The following STAG3 variants were observed in gnomAD, a reference collection of about 807,000 sequenced individuals.
STAG3 encodes cohesin subunit SA-3.
STAG3 carries 101 observed loss-of-function variants against 160.7 expected under a neutral mutation model. The observed-to-expected ratio is 0.63, with a 90% CI of 0.54 to 0.74. The LOEUF (loss-of-function observed/expected upper bound fraction) is 0.74. Among genes scored for constraint, STAG3 ranks in the 30% least tolerant of loss-of-function variants. STAG3 has a pLI of 0.00. For synonymous variants in STAG3, 519 were observed against 585.0 expected (o/e 0.89, Z 1.63); for missense variants, 1,188 against 1,517.4 (o/e 0.78, Z 3.61).
In STAG3 at chr7:100,205,251, G is replaced by A. The variant is rs960866707; in HGVS notation, c.3105G>A (p.Leu1035=). The change falls in exon 29 of 34, where the codon CTG becomes CTA. Residue 1035 remains leucine (L), a synonymous_variant. Coordinates refer to ENST00000615138, the MANE Select transcript of STAG3 (RefSeq NM_001282717.2). ...GACTGTCCTATCTAGAAAAGTGCCTGCAGCATGTCTCCCAGGCACCTGGCC... is the reference window on the plus strand; with the variant it reads ...GACTGTCCTATCTAGAAAAGTGCCTACAGCATGTCTCCCAGGCACCTGGCC... ...QLLLSYLEKC[L]QHVSQAPGHP... The A allele has an allele frequency of 5.0e-6, 8 of 1,614,106 alleles. No individual in the cohort carries two copies. The highest frequency in any genetic ancestry group is 6.8e-6 in the Non-Finnish European group (8 of 1,179,986).
At position 100,204,768 on chromosome 7, in the gene STAG3, C is replaced by G; in HGVS notation, c.2944C>G (p.Leu982Val). Residue 982 changes from leucine to valine, a missense_variant, in exon 27 of 34, where the codon CTA becomes GTA. Leu to Val is a conservative substitution (Grantham distance 32). Transcript: ENST00000615138. ...QLQNRDLVVM[L>V]HKEGIQFSLS... ...GCAGAACCGTGACCTCGTGGTCATG[C>G]TACACAAGTAGGAAGTATTGGTTGC... The G allele has an allele frequency of 6.2e-7, 1 of 1,613,310 alleles. No homozygotes were observed. The highest frequency in any genetic ancestry group is 8.5e-7 in the Non-Finnish European group (1 of 1,179,772).
Position 100,204,994 on chromosome 7 carries a change from G to A in STAG3, c.2952-11G>A. On this transcript the variant is annotated splice_polypyrimidine_tract_variant and intron_variant, in intron 27 of 33. Transcript: ENST00000615138. ...GAGACTTTCTTCCTAAAATAATTCTGCCCAACCAAGGGAAGGCATCCAGTT... is the reference window on the plus strand; with the variant it reads ...GAGACTTTCTTCCTAAAATAATTCTACCCAACCAAGGGAAGGCATCCAGTT... 2.5e-6 allele frequency: 4 copies of A among 1,612,292 alleles called. No homozygotes were observed. In the South Asian group the frequency reaches 4.4e-5, roughly 18 times the overall value.
In STAG3 at chr7:100,195,344, G is replaced by T; in HGVS notation, c.903G>T (p.Met301Ile). The T allele has an allele frequency of 6.2e-7, 1 of 1,614,154 alleles. No individual in the cohort carries two copies. Among genetic ancestry groups the T allele is most frequent in the Middle Eastern group, 1.6e-4 (1 of 6,062 alleles). Residue 301 changes from methionine (M) to isoleucine (I), a missense_variant, in exon 9 of 34, where the codon ATG (methionine) becomes ATT (isoleucine). Around this residue, in one of 4 missense-constraint regions of STAG3, gnomAD observed 296 missense variants for 404.0 expected, o/e 0.73. Transcript: ENST00000615138. ...QEHQEEIEGMMNALFRGVFVH... is the reference protein window; with the variant it reads ...QEHQEEIEGMINALFRGVFVH... ...ATCAAGAGGAGATTGAGGGGATGAT[G>T]AATGCCCTCTTCAGGGGTGTCTTTG...
intron 21 of STAG3, 90 bp downstream of exon 21, chr7:100,201,441 C>T: frequency 8.6e-7 from 1 of 1,156,438 alleles, no homozygotes; most frequent in Non-Finnish European, 1.3e-6. Context: ...TGTCAAGTCT[C>T]AGTGCGTGGA....
chr7:100,207,129 CT>C lies in STAG3; in HGVS notation c.3238+1747del, dbSNP rs2117440979. On this transcript the variant is annotated intron_variant, in intron 29 of 33. Transcript: ENST00000615138. The surrounding 1 kb of genome is among the most constrained non-coding windows in gnomAD (Gnocchi z 4.0). ...GGATATGCCACATTCTACTTATCCA[CT>C]TGTCAGTTGATTGACATTTGGGCTC... Among the ~76,000 whole-genome samples the C allele has an allele frequency of 6.6e-6, 1 of 152,342 alleles. No homozygotes were observed. The highest frequency in any genetic ancestry group is 1.9e-4 in the East Asian group (1 of 5,186).
Position 100,197,866 on chromosome 7 carries a change from G to C in STAG3, c.1154G>C (p.Ser385Thr), listed in dbSNP as rs1360773914. 6 of 1,613,724 alleles carry C rather than the reference G, an allele frequency of 3.7e-6. No individual in the cohort carries two copies. The highest frequency in any genetic ancestry group is 5.1e-6 in the Non-Finnish European group (6 of 1,179,876). Reference sequence around the variant, plus strand: ...ACCACACGCCTGGAGCTCTTCACCAGCCGCTTCAAGGTAAAATGGGTGGTG... The same window carrying C: ...ACCACACGCCTGGAGCTCTTCACCACCCGCTTCAAGGTAAAATGGGTGGTG... ...DLTTRLELFT[S>T]RFKDRMVSMV... Residue 385 changes from serine to threonine, a missense_variant, in exon 11 of 34, where the codon AGC becomes ACC. Ser to Thr is a moderately conservative substitution (Grantham distance 58). Transcript: ENST00000615138.
At chr7:100,203,293 C>G (rs1801314418) in intron 25 of STAG3, among the ~76,000 whole-genome samples, 1 of 151,142 alleles carries the variant, frequency 6.6e-6, no homozygotes, top group African/African-American at 2.4e-5. Context: ...TCAAGCAGTT[C>G]TCCTGCCTCA....
intron 8 of STAG3, among the ~76,000 whole-genome samples, chr7:100,189,906 T>G (rs1800255821): frequency 1.3e-5 from 2 of 152,166 alleles, no homozygotes; most frequent in South Asian, 4.1e-4. Context: ...GAATTAAGTT[T>G]TGACCTACTT....
At chr7:100,194,843 CAG>C (rs1800577936) in intron 8 of STAG3, among the ~76,000 whole-genome samples, 1 of 152,088 alleles carries the variant, frequency 6.6e-6, no homozygotes, top group Admixed American at 6.5e-5. Flanking sequence ...ATAACCATAA[CAG>C]ATACCATAAT....
At chr7:100,198,219 G>T (rs1296409545) in intron 12 of STAG3, 53 bp downstream of exon 12, 2 of 1,541,594 alleles carry the variant, frequency 1.3e-6, no homozygotes, top group East Asian at 2.2e-5. Context: ...CCCTTCCAGG[G>T]TCATCTCCCT....
At chr7:100,218,496 T>C (rs1410525870), downstream of STAG3, 1 of 247,134 alleles carries the variant, frequency 4.0e-6, no homozygotes, top group Non-Finnish European at 8.0e-6. Flanking sequence ...ATAATTGTTT[T>C]AAGATTATTT....
downstream of STAG3, among the ~76,000 whole-genome samples, chr7:100,216,718 T>A (rs1378796820): frequency 2.0e-5 from 3 of 151,962 alleles, no homozygotes; most frequent in African/African-American, 7.3e-5. Context: ...GGAGAATCGC[T>A]TGAATTTGGG....
chr7:100,210,946 C>G, intron 29 of STAG3, 65 bp from the exon 30 acceptor site: 1 of 1,530,056 alleles, frequency 6.5e-7, no homozygotes, highest in Non-Finnish European at 8.8e-7. Flanking sequence ...CTGGGCAGGT[C>G]TTGGAAAGAG....
intron 31 of STAG3, 122 bp from the exon 32 acceptor site, chr7:100,211,673 C>A: frequency 7.1e-7 from 1 of 1,402,932 alleles, no homozygotes; most frequent in Non-Finnish European, 9.9e-7. Flanking sequence ...CCTGTCAGCA[C>A]AATCGGGAAA....
intron 32 of STAG3, chr7:100,213,162 T>C (rs567159251): frequency 1.2e-3 from 325 of 277,550 alleles, no homozygotes; most frequent in Non-Finnish European, 1.7e-3. Context: ...GCTAGCCCTC[T>C]GGCCTGGGCT....
In STAG3 at chr7:100,211,778, C is replaced by A; in HGVS notation, c.3519-17C>A. The A allele has an allele frequency of 6.2e-7, 1 of 1,613,364 alleles. No individual in the cohort carries two copies. Among genetic ancestry groups the A allele is most frequent in the South Asian group, 1.1e-5 (1 of 90,982 alleles). ...AAAGAACAGTTTGAAAAGCCAGTCT[C>A]TTTGCCCCTACATCAGACTCAGCCT... is the stretch of plus-strand genomic sequence containing the variant. On this transcript the variant is annotated splice_polypyrimidine_tract_variant and intron_variant, in intron 31 of 33. Transcript: ENST00000615138.
intron 32 of STAG3, 155 bp from the exon 33 acceptor site, chr7:100,213,580 T>C (rs1332259720): frequency 3.1e-6 from 3 of 983,288 alleles, no homozygotes; most frequent in Non-Finnish European, 3.6e-6. Flanking sequence ...GGCCTGATCC[T>C]GGTGCCCACA....
chr7:100,180,774 A>T (rs2117045740), intron 2 of STAG3, 102 bp downstream of exon 2: 2 of 771,068 alleles, frequency 2.6e-6, no homozygotes, highest in Non-Finnish European at 4.6e-6. Flanking sequence ...GTGTGAAAAC[A>T]CCAGAAGTGC....
intron 9 of STAG3, among the ~76,000 whole-genome samples, chr7:100,196,138 A>G (rs1394903710): frequency 2.0e-5 from 3 of 151,214 alleles, no homozygotes; most frequent in African/African-American, 7.3e-5. Flanking sequence ...TCAAAAAAAG[A>G]AAAAAAAGAA....
Sources: gnomAD v4.1 joint callset for allele counts (sites outside exome capture counted in the v4.1 genomes callset) on GRCh38, gnomAD v4.1.1 for gene constraint, gnomAD v4.1.1 regional missense constraint, Gnocchi (gnomAD v3.1) non-coding constraint, MANE v1.5 for transcripts, NCBI Gene and HGNC (gene_info 2026-07-23, HGNC 2026-07-21) for gene names.